Variants in WDFY4 observed in about 807,000 individuals in gnomAD.
The protein encoded by WDFY4 is WD repeat- and FYVE domain-containing protein 4.
Under a neutral mutation model 351.9 loss-of-function variants are expected in WDFY4, and 169 were observed. The observed-to-expected ratio is 0.48, with a 90% confidence interval of 0.42 to 0.55. The LOEUF is 0.55. Ranked by LOEUF, WDFY4 falls within the 20% of genes least tolerant of loss-of-function variation. The pLI is 0.00. For missense variants in WDFY4, 3,803 were observed against 3,935.6 expected (o/e 0.97, Z 0.90); for synonymous variants, 1,622 against 1,574.6 (o/e 1.03, Z -0.71).
intron 35 of WDFY4, among the ~76,000 whole-genome samples, chr10:48,824,699 G>A (rs1343548341): frequency 6.6e-6 from 1 of 152,206 alleles, no homozygotes; most frequent in Non-Finnish European, 1.5e-5. Flanking sequence ...GCAGTGGCAT[G>A]ATGGAGTGCA....
chr10:48,947,181 G>T (rs1168873420), intron 51 of WDFY4, among the ~76,000 whole-genome samples: 1 of 152,090 alleles, frequency 6.6e-6, no homozygotes, highest in Non-Finnish European at 1.5e-5. Context: ...CTGCACATCT[G>T]CCCAACAAAG....
At chr10:48,789,106 C>T (rs2066592753) in intron 21 of WDFY4, among the ~76,000 whole-genome samples, 1 of 152,076 alleles carries the variant, frequency 6.6e-6, no homozygotes, top group Non-Finnish European at 1.5e-5. Flanking sequence ...CTCCTGGGCT[C>T]AAGTGATCCT....
At chr10:48,949,794 G>T (rs760719370) in intron 51 of WDFY4, among the ~76,000 whole-genome samples, 6 of 152,174 alleles carry the variant, frequency 3.9e-5, no homozygotes, top group African/African-American at 1.4e-4. Flanking sequence ...AGACATACGT[G>T]GTGAGCCTGG....
intron 53 of WDFY4, 140 bp downstream of exon 53, chr10:48,959,953 G>A: frequency 1.3e-6 from 1 of 765,460 alleles, no homozygotes; most frequent in Non-Finnish European, 2.1e-6. Flanking sequence ...AAGGGATGGG[G>A]TCTATACCTT....
intron 30 of WDFY4, among the ~76,000 whole-genome samples, chr10:48,813,571 T>G (rs1031093172): frequency 6.6e-6 from 1 of 152,226 alleles, no homozygotes; most frequent in Non-Finnish European, 1.5e-5. Flanking sequence ...GCCATCCTGA[T>G]TCTAAACCCT....
chr10:48,982,255 G>A (rs1264854533), intron 61 of WDFY4, among the ~76,000 whole-genome samples: 3 of 152,194 alleles, frequency 2.0e-5, no homozygotes, highest in South Asian at 2.1e-4. Context: ...GCACGGCCTC[G>A]TCCTGTTCCC....
At chr10:48,922,716 A>G (rs1181854284) in intron 47 of WDFY4, among the ~76,000 whole-genome samples, 4 of 152,228 alleles carry the variant, frequency 2.6e-5, no homozygotes, top group Non-Finnish European at 5.9e-5. Context: ...ACTACTAAAC[A>G]CAAAGTCTAC....
intron 47 of WDFY4, among the ~76,000 whole-genome samples, chr10:48,919,862 T>G (rs1218454639): frequency 1.5e-5 from 2 of 131,988 alleles, no homozygotes; most frequent in African/African-American, 2.8e-5. Context: ...TGATATGATC[T>G]CTTTCAAAAA....
intron 56 of WDFY4, 93 bp downstream of exon 56, chr10:48,969,341 C>A (rs1452140029): frequency 1.6e-5 from 22 of 1,412,202 alleles, no homozygotes; most frequent in Non-Finnish European, 1.8e-5. Flanking sequence ...GAGTCCAAAG[C>A]AACCTCGCTC....
chr10:48,743,607 G>A (rs924662143), intron 12 of WDFY4, 59 bp downstream of exon 12: 18 of 1,481,830 alleles, frequency 1.2e-5, no homozygotes, highest in Admixed American at 4.2e-5. Context: ...TCACTCTAAC[G>A]TCTTGCGCAT....
rs188728666 is a variant in WDFY4, at chr10:48,917,878, C to T, written c.7586+16015C>T. 5.0e-3 allele frequency among the ~76,000 whole-genome samples: 760 copies of T among 152,088 alleles called. 5 individuals carry two copies. Among genetic ancestry groups the T allele is most frequent in the African/African-American group, 0.017 (716 of 41,490 alleles). On this transcript the variant is annotated intron_variant, in intron 47 of 61. Coordinates refer to ENST00000325239, the MANE Select transcript of WDFY4 (RefSeq NM_001394531.1). ...AATACCCTTAAAATATGTATGTGAT[C>T]GAAAGAAAACTAACACTGTGTGATG...
chr10:48,901,198 C>A (rs1442272755), intron 46 of WDFY4, among the ~76,000 whole-genome samples: 1 of 152,242 alleles, frequency 6.6e-6, no homozygotes, highest in African/African-American at 2.4e-5. Context: ...CTCAGGTGAG[C>A]CTGCTCATGC....
chr10:48,916,731 C>T (rs947000597), intron 47 of WDFY4, among the ~76,000 whole-genome samples: 1 of 152,212 alleles, frequency 6.6e-6, no homozygotes, highest in Non-Finnish European at 1.5e-5. Flanking sequence ...ACTCTGAACT[C>T]TCCTGAGCTG....
At chr10:48,805,550 C>G (rs943239499) in intron 26 of WDFY4, 129 bp downstream of exon 26, 1 of 1,293,662 alleles carries the variant, frequency 7.7e-7, no homozygotes, top group South Asian at 1.5e-5. Flanking sequence ...AATTTTTGCC[C>G]AGGGCTGAGA....
chr10:48,839,846 A>G (rs191807525), intron 39 of WDFY4, among the ~76,000 whole-genome samples: 156 of 152,378 alleles, frequency 1.0e-3, no homozygotes, highest in Non-Finnish European at 1.8e-3. Context: ...TGAAAAGTAT[A>G]AACTGCTCTA....
chr10:48,899,140 G>C (rs1265689616), intron 45 of WDFY4, among the ~76,000 whole-genome samples: 6 of 152,154 alleles, frequency 3.9e-5, no homozygotes, highest in African/African-American at 1.4e-4. Flanking sequence ...GAAGCCAAAG[G>C]GAGAGCTTTT....
intron 12 of WDFY4, among the ~76,000 whole-genome samples, chr10:48,759,675 C>T (rs1046309778): frequency 2.0e-5 from 3 of 152,174 alleles, no homozygotes; most frequent in African/African-American, 7.2e-5. Context: ...CTTTCCTGCT[C>T]CTCAGACCAG....
At chr10:48,877,314 A>G (rs1423061159) in intron 43 of WDFY4, 115 bp downstream of exon 43, 14 of 998,558 alleles carry the variant, frequency 1.4e-5, no homozygotes, top group Non-Finnish European at 2.0e-5. Flanking sequence ...TCCATTTGCT[A>G]TGAAAACTTT....
chr10:48,699,497 G>A (rs1206582292), intron 1 of WDFY4, among the ~76,000 whole-genome samples: 1 of 152,200 alleles, frequency 6.6e-6, no homozygotes, highest in Non-Finnish European at 1.5e-5. Context: ...TTTTGGAGGA[G>A]CTAGACAACC....
Sources: allele counts gnomAD v4.1 joint callset (sites outside exome capture counted in the v4.1 genomes callset), GRCh38; gene constraint gnomAD v4.1.1; transcripts MANE v1.5; gene names NCBI Gene and HGNC (gene_info 2026-07-23, HGNC 2026-07-21).